Variants in FBXO11 observed in about 807,000 individuals in gnomAD.
FBXO11 encodes the protein F-box protein 11.
A neutral mutation model predicts 117.0 loss-of-function variants in FBXO11; 13 were observed. That is an observed-to-expected ratio of 0.11 (90% confidence interval 0.07 to 0.18). The LOEUF is 0.18. FBXO11 is among the 10% of genes least tolerant of loss of function. The pLI, the probability that FBXO11 is intolerant of heterozygous loss-of-function variation, is 1.00. For synonymous variants in FBXO11, 490 were observed against 380.5 expected (o/e 1.29, Z -3.35); for missense variants, 767 against 1,164.4 (o/e 0.66, Z 4.97).
intron 1 of FBXO11, among the ~76,000 whole-genome samples, chr2:47,871,569 C>T (rs12463595): frequency 0.21 from 31,599 of 152,002 alleles, 3,961 homozygotes; most frequent in Middle Eastern, 0.3. Context: ...TTTTTTCTGA[C>T]GACTAATTAT....
rs182535848 is a variant in FBXO11, at chr2:47,827,178, C to T, written c.1399-3818G>A. On this transcript the variant is annotated intron_variant, in intron 11 of 22. Transcript: ENST00000403359. ...ACGACCTTAAAATGAGAAGCCTCTA[C>T]ATTGGCACAACAATGATTTTACTAC... 1.8e-3 allele frequency among the ~76,000 whole-genome samples: 278 copies of T among 152,300 alleles called. 4 individuals are homozygous for T. The highest frequency in any genetic ancestry group is 2.6e-4 in the Non-Finnish European group (18 of 68,028).
chr2:47,809,878 T>A (rs960457048), intron 19 of FBXO11, 171 bp from the exon 20 acceptor site: 6 of 548,482 alleles, frequency 1.1e-5, no homozygotes, highest in African/African-American at 9.7e-5. Context: ...AACATTCACT[T>A]ATCAATGACT....
intron 1 of FBXO11, among the ~76,000 whole-genome samples, chr2:47,862,815 G>A (rs1246366301): frequency 6.6e-6 from 1 of 152,076 alleles, no homozygotes; most frequent in Non-Finnish European, 1.5e-5. Context: ...AGCACTTTCG[G>A]AGGCTGAGGT....
intron 1 of FBXO11, among the ~76,000 whole-genome samples, chr2:47,879,376 A>C (rs2103890253): frequency 6.6e-6 from 1 of 152,314 alleles, no homozygotes; most frequent in East Asian, 1.9e-4. Flanking sequence ...TTGTATTCTC[A>C]ATAGCAGTGT....
chr2:47,867,485 AG>A (rs528038136), intron 1 of FBXO11, among the ~76,000 whole-genome samples: 73 of 152,358 alleles, frequency 4.8e-4, no homozygotes, highest in African/African-American at 1.6e-3. Flanking sequence ...CAAAGGGGTC[AG>A]GAAGTGCCAG....
chr2:47,863,121 A>C (rs1164705047), intron 1 of FBXO11, among the ~76,000 whole-genome samples: 1 of 152,060 alleles, frequency 6.6e-6, no homozygotes, highest in African/African-American at 2.4e-5. Flanking sequence ...ACACAAAACA[A>C]AACGAAACAA....
At chr2:47,895,410 T>C (rs564574248) in intron 1 of FBXO11, among the ~76,000 whole-genome samples, 2 of 152,048 alleles carry the variant, frequency 1.3e-5, no homozygotes, top group East Asian at 3.9e-4. Flanking sequence ...CACATAGGAG[T>C]ACATACTGGG....
intron 1 of FBXO11, among the ~76,000 whole-genome samples, chr2:47,846,915 G>A (rs1405525159): frequency 3.9e-5 from 6 of 152,134 alleles, no homozygotes; most frequent in African/African-American, 1.4e-4. Context: ...GGACAATGCA[G>A]ACACATACAG....
chr2:47,867,263 G>A (rs1331718295), intron 1 of FBXO11, among the ~76,000 whole-genome samples: 2 of 152,216 alleles, frequency 1.3e-5, no homozygotes, highest in African/African-American at 4.8e-5. Context: ...TGTTTATCCT[G>A]AGTTAGTGAA....
chr2:47,872,666 G>T (rs1217939885), intron 1 of FBXO11, among the ~76,000 whole-genome samples: 1 of 152,040 alleles, frequency 6.6e-6, no homozygotes, highest in African/African-American at 2.4e-5. Flanking sequence ...ATATTTTTTT[G>T]CACACTTTAT....
chr2:47,879,349 A>T (rs1032590001), intron 1 of FBXO11, among the ~76,000 whole-genome samples: 13 of 152,198 alleles, frequency 8.5e-5, no homozygotes, highest in African/African-American at 2.9e-4. Flanking sequence ...ATTGCCTTCC[A>T]CAGGGATTAT....
At chr2:47,856,631 CAGTT>C (rs1674316499) in intron 1 of FBXO11, among the ~76,000 whole-genome samples, 1 of 152,188 alleles carries the variant, frequency 6.6e-6, no homozygotes, top group Non-Finnish European at 1.5e-5. Flanking sequence ...ACAGTTGTAT[CAGTT>C]AGTGGAGAAC....
At chr2:47,819,847 G>T (rs1671256214) in intron 14 of FBXO11, among the ~76,000 whole-genome samples, 1 of 152,130 alleles carries the variant, frequency 6.6e-6, no homozygotes, top group Non-Finnish European at 1.5e-5. Context: ...CTTGCATAAG[G>T]ACCTTTTTGA....
intron 19 of FBXO11, 37 bp downstream of exon 19, chr2:47,810,279 T>A: frequency 7.3e-7 from 1 of 1,362,968 alleles, no homozygotes; most frequent in Non-Finnish European, 1.0e-6. Flanking sequence ...TTTGCAGAAC[T>A]ATATATAAGC....
intron 1 of FBXO11, among the ~76,000 whole-genome samples, chr2:47,891,662 A>G (rs1677267808): frequency 6.6e-6 from 1 of 152,142 alleles, no homozygotes; most frequent in South Asian, 2.1e-4. Context: ...GGATCATATG[A>G]TAGTTCTATT....
In FBXO11 at chr2:47,906,027, A is replaced by C; in HGVS notation, c.-307T>G. On this transcript the variant is annotated 5_prime_UTR_variant, in exon 1 of 23. Coordinates refer to ENST00000403359, the MANE Select transcript of FBXO11 (RefSeq NM_001190274.2). ...AAAGACGGGCAGACCGAGAGAAAGA[A>C]AGAAAGGGCGTCCGCCGCTTGGGGA... 1 of 236,178 alleles carries C rather than the reference A, an allele frequency of 4.2e-6. No individual in the cohort carries two copies. Among genetic ancestry groups the C allele is most frequent in the Non-Finnish European group, 8.3e-6 (1 of 120,184 alleles). 14.6% of individuals were successfully genotyped at this position (236,178 alleles called of 1,614,324 possible).
chr2:47,905,560 TGCTGCTGCTGCTGCGGCGGCGGCGGAG>T lies in FBXO11; in HGVS notation c.134_160del (p.Pro45_Gln53del), dbSNP rs902717073. The stretch of plus-strand genomic sequence containing the variant: ...CGGTGGCGGCGGCGGAGGCTGCTGC[TGCTGCTGCTGCTGCGGCGGCGGCGGAG>T]GCTGCTGCTGGGGCGGCTGCTGCTG... On this transcript the variant is annotated inframe_deletion, in exon 1 of 23. Coordinates refer to ENST00000403359, the MANE Select transcript of FBXO11 (RefSeq NM_001190274.2). 2.3e-5 allele frequency: 29 copies of T among 1,248,316 alleles called. No individual in the cohort carries two copies. The highest frequency in any genetic ancestry group is 3.1e-4 in the Middle Eastern group (1 of 3,216). The allele number at this position is 1,248,316 out of a possible 1,614,324, so 77.3% of individuals were successfully genotyped here.
chr2:47,895,468 A>G (rs77074516), intron 1 of FBXO11, among the ~76,000 whole-genome samples: 1 of 152,158 alleles, frequency 6.6e-6, no homozygotes, highest in Admixed American at 6.6e-5. Flanking sequence ...TAATCCAAGC[A>G]ATCAGAAAGA....
At chr2:47,860,655 C>G (rs887043596) in intron 1 of FBXO11, among the ~76,000 whole-genome samples, 2 of 151,910 alleles carry the variant, frequency 1.3e-5, no homozygotes, top group Admixed American at 1.3e-4. Context: ...AATCCACCTG[C>G]CTCGGCCTCC....
Sources: allele counts gnomAD v4.1 joint callset (sites outside exome capture counted in the v4.1 genomes callset), GRCh38; gene constraint gnomAD v4.1.1; transcripts MANE v1.5; gene names NCBI Gene and HGNC (gene_info 2026-07-23, HGNC 2026-07-21).